The following SPATA17 variants were observed in gnomAD, a reference collection of about 807,000 sequenced individuals.
SPATA17 encodes the protein spermatogenesis-associated protein 17.
SPATA17 carries 53 observed loss-of-function variants against 62.2 expected under a neutral mutation model. The ratio of observed to expected loss-of-function variants is 0.85; its 90% confidence interval spans 0.68 to 1.07. The LOEUF (loss-of-function observed/expected upper bound fraction) is 1.07, where lower values mean the gene tolerates loss of function less well. Ranked by LOEUF, SPATA17 falls within the 50% of genes least tolerant of loss-of-function variation. The pLI, the probability that SPATA17 is intolerant of heterozygous loss-of-function variation, is 0.00. For synonymous variants in SPATA17, 146 were observed against 146.8 expected, an observed-to-expected ratio of 0.99 and a Z score of 0.04; for missense variants, 466 against 425.5, an observed-to-expected ratio of 1.10 and a Z score of -0.84.
intron 5 of SPATA17, among the ~76,000 whole-genome samples, chr1:217,714,435 G>T (rs1558576777): frequency 6.7e-6 from 1 of 149,692 alleles, no homozygotes; most frequent in African/African-American, 2.4e-5. Context: ...TTCTGAAAAG[G>T]AAAAAATTCA....
chr1:217,775,037 G>A (rs12135782), intron 7 of SPATA17, among the ~76,000 whole-genome samples: 66,248 of 151,976 alleles, frequency 0.44, 15,843 homozygotes, highest in Non-Finnish European at 0.55. Context: ...AGATTATATG[G>A]TAATTATATT....
At chr1:217,729,418 A>G (rs548172438) in intron 5 of SPATA17, among the ~76,000 whole-genome samples, 3 of 152,356 alleles carry the variant, frequency 2.0e-5, no homozygotes, top group South Asian at 2.1e-4. Flanking sequence ...TTTTAAAAAC[A>G]TAATATTACG....
At chr1:217,862,919 G>A in intron 10 of SPATA17, 63 bp downstream of exon 10, 1 of 1,048,350 alleles carries the variant, frequency 9.5e-7, no homozygotes, top group African/African-American at 1.6e-5. Flanking sequence ...AAAATCAAAT[G>A]GGGTTGACTT....
intron 9 of SPATA17, among the ~76,000 whole-genome samples, chr1:217,810,105 C>T (rs1184063351): frequency 6.6e-6 from 1 of 152,174 alleles, no homozygotes; most frequent in Admixed American, 6.5e-5. Flanking sequence ...TAATGTAGTA[C>T]TTCCTTTTGG....
In SPATA17 at chr1:217,664,626, T is replaced by C. The variant is rs574188043; in HGVS notation, c.241-4407T>C. ...CTTTATACCCTATAGCGGGAGCAGG[T>C]TGGGAGGGCAACAAGGAGAGATAGA... On this transcript the variant is annotated intron_variant, in intron 3 of 10. Transcript: ENST00000366933. 3.3e-5 allele frequency among the ~76,000 whole-genome samples: 5 copies of C among 151,956 alleles called. No homozygotes were observed. In the South Asian group the frequency reaches 1.0e-3, roughly 32 times the overall value.
intron 5 of SPATA17, among the ~76,000 whole-genome samples, chr1:217,696,733 T>G (rs147604730): frequency 6.6e-6 from 1 of 152,308 alleles, no homozygotes; most frequent in East Asian, 1.9e-4. Flanking sequence ...GAGTTCACAG[T>G]AGCTGGACTT....
chr1:217,774,175 A>T (rs1240296982), intron 6 of SPATA17, among the ~76,000 whole-genome samples, 159 bp from the exon 7 acceptor site: 3 of 152,180 alleles, frequency 2.0e-5, no homozygotes, highest in Admixed American at 2.0e-4. Flanking sequence ...GTATTTTGTA[A>T]AATCTCTTTA....
intron 6 of SPATA17, among the ~76,000 whole-genome samples, chr1:217,748,824 G>T (rs1473374632): frequency 6.6e-6 from 1 of 151,814 alleles, no homozygotes; most frequent in East Asian, 1.9e-4. Context: ...CATAAGTGGA[G>T]AGATCTTATG....
At chr1:217,784,603 G>T (rs564235288) in intron 8 of SPATA17, among the ~76,000 whole-genome samples, 9 of 152,252 alleles carry the variant, frequency 5.9e-5, no homozygotes, top group African/African-American at 1.7e-4. Flanking sequence ...TACCTTAAAA[G>T]GTTGTAATGA....
Position 217,801,794 on chromosome 1 carries a change from A to G in SPATA17, c.949A>G (p.Ile317Val), listed in dbSNP as rs751075432. The change falls in exon 9 of 11, where the codon ATT becomes GTT. Residue 317 changes from isoleucine (I) to valine (V), a missense_variant. Transcript: ENST00000366933. ...GCATTTATCAAGCAAGTATGGTCCT[A>G]TTTCTTACAAAGAACAATTCCGAAG... ...SMHLSSKYGP[I>V]SYKEQFRSEN... The G allele has an allele frequency of 1.9e-6, 3 of 1,611,772 alleles. No individual in the cohort carries two copies. The highest frequency in any genetic ancestry group is 2.5e-6 in the Non-Finnish European group (3 of 1,179,100).
At chr1:217,857,173 C>T (rs773332070) in intron 9 of SPATA17, among the ~76,000 whole-genome samples, 5 of 152,098 alleles carry the variant, frequency 3.3e-5, no homozygotes, top group South Asian at 2.1e-4. Context: ...AGCGCTGTCC[C>T]GCTTACTAAC....
intron 5 of SPATA17, among the ~76,000 whole-genome samples, chr1:217,732,084 TTCTC>T (rs60691625): frequency 3.2e-4 from 48 of 148,700 alleles, no homozygotes; most frequent in Admixed American, 6.1e-4. Flanking sequence ...TTACTCCAGT[TTCTC>T]TCTCTCTCTC....
At position 217,741,959 on chromosome 1, in the gene SPATA17, G is replaced by C. The variant is rs751559163; in HGVS notation, c.396-16G>C. 6.2e-7 allele frequency: 1 copy of C among 1,613,448 alleles called. No homozygotes were observed. Among genetic ancestry groups the C allele is most frequent in the African/African-American group, 1.3e-5 (1 of 74,812 alleles). ...ACACATAGTATCATAAATAACTGCA[G>C]ATGGTTTTGATGCAGGAAGGCACTG... is the stretch of plus-strand genomic sequence containing the variant. On this transcript the variant is annotated splice_polypyrimidine_tract_variant and intron_variant, in intron 5 of 10. Transcript: ENST00000366933.
chr1:217,858,723 T>TA (rs1015395647), intron 9 of SPATA17, among the ~76,000 whole-genome samples: 3 of 151,700 alleles, frequency 2.0e-5, no homozygotes, highest in African/African-American at 7.3e-5. Context: ...CAACTTCTCT[T>TA]AAAAAAATAA....
chr1:217,651,130 A>C lies in SPATA17; in HGVS notation c.192A>C (p.Lys64Asn). 6.2e-7 allele frequency: 1 copy of C among 1,609,996 alleles called. No homozygotes were observed. The highest frequency in any genetic ancestry group is 1.3e-5 in the African/African-American group (1 of 74,876). ...HLNRIVTIIQ[K>N]WWRSFLGRKQ... ...ACAGGATTGTAACAATTATTCAAAA[A>C]TGGTGGAGAAGTTTCTTAGGCAGAA... Residue 64 changes from lysine to asparagine, a missense_variant, in exon 3 of 11, where the codon AAA becomes AAC. Transcript: ENST00000366933.
At chr1:217,703,819 CT>C (rs970721954) in intron 5 of SPATA17, among the ~76,000 whole-genome samples, 2 of 152,024 alleles carry the variant, frequency 1.3e-5, no homozygotes, top group Non-Finnish European at 2.9e-5. Context: ...CTTATAACAT[CT>C]TTTTTATGTT....
chr1:217,851,989 G>T (rs1193891171), intron 9 of SPATA17, among the ~76,000 whole-genome samples: 2 of 152,086 alleles, frequency 1.3e-5, no homozygotes, highest in Non-Finnish European at 2.9e-5. Flanking sequence ...GACATGTTAT[G>T]CAACGGCCTC....
chr1:217,863,184 G>A lies in SPATA17; in HGVS notation c.*2+328G>A, dbSNP rs200447743. ...GTTGCCCAGGCTGGAATGCAGTGGC[G>A]TGATCTTGGCTCACTGCAACCTCCA... On this transcript the variant is annotated intron_variant, in intron 10 of 10. Transcript: ENST00000366933. Among the ~76,000 whole-genome samples the A allele has an allele frequency of 2.1e-3, 308 of 145,472 alleles. 14 individuals carry two copies. The East Asian group carries it at 0.044, about 21-fold the overall frequency.
At chr1:217,713,296 T>C (rs1671922071) in intron 5 of SPATA17, among the ~76,000 whole-genome samples, 1 of 152,206 alleles carries the variant, frequency 6.6e-6, no homozygotes, top group Non-Finnish European at 1.5e-5. Flanking sequence ...CCCTTTTATG[T>C]TGGAGTCTTG....
Sources: allele counts gnomAD v4.1 joint callset (sites outside exome capture counted in the v4.1 genomes callset), GRCh38; gene constraint gnomAD v4.1.1; transcripts MANE v1.5; gene names NCBI Gene and HGNC (gene_info 2026-07-23, HGNC 2026-07-21).